PUM3: variants seen among roughly 807,000 people sequenced by gnomAD.
The protein encoded by PUM3 is pumilio RNA binding family member 3.
In PUM3, 91 loss-of-function variants were observed where a neutral mutation model predicts 84.0. That is an observed-to-expected ratio of 1.08 (90% CI 0.91 to 1.29). PUM3 has a LOEUF of 1.29. PUM3 is among the 50% of genes most tolerant of loss of function. The pLI, the probability that PUM3 is intolerant of heterozygous loss-of-function variation, is 0.00. For missense variants in PUM3, 1,067 were observed against 767.5 expected, an observed-to-expected ratio of 1.39 and a Z score of -4.61; for synonymous variants, 321 against 266.7, an observed-to-expected ratio of 1.20 and a Z score of -1.98.
chr9:2,816,957 T>C (rs1821482880), intron 13 of PUM3, among the ~76,000 whole-genome samples: 1 of 152,238 alleles, frequency 6.6e-6, no homozygotes, highest in Admixed American at 6.5e-5. Context: ...TAAGCTTTCT[T>C]GGCTATTTTT....
At chr9:2,815,694 A>G (rs1489459762) in intron 13 of PUM3, among the ~76,000 whole-genome samples, 1 of 152,232 alleles carries the variant, frequency 6.6e-6, no homozygotes, top group Non-Finnish European at 1.5e-5. Flanking sequence ...CAATATGTAT[A>G]GCCTCCTTAA....
At chr9:2,832,304 T>A (rs558883277) in intron 5 of PUM3, among the ~76,000 whole-genome samples, 1 of 152,186 alleles carries the variant, frequency 6.6e-6, no homozygotes, top group Non-Finnish European at 1.5e-5. Context: ...CTGTTACTAT[T>A]CCCACTTTAC....
chr9:2,827,392 C>T (rs1050360152), intron 9 of PUM3, among the ~76,000 whole-genome samples: 5 of 152,146 alleles, frequency 3.3e-5, no homozygotes, highest in East Asian at 1.9e-4. Context: ...AGTATTTAAT[C>T]GGCAAACATA....
At chr9:2,805,985 A>G (rs1306688589) in intron 17 of PUM3, among the ~76,000 whole-genome samples, 4 of 152,064 alleles carry the variant, frequency 2.6e-5, no homozygotes, top group African/African-American at 7.2e-5. Context: ...TACAAAAACA[A>G]TTTTTTTGTA....
At position 2,812,328 on chromosome 9, in the gene PUM3, T is replaced by C; in HGVS notation, c.1304A>G (p.Asp435Gly). The C allele has an allele frequency of 1.3e-6, 2 of 1,592,000 alleles. 1 individual carries two copies. Among genetic ancestry groups the C allele is most frequent in the Middle Eastern group, 3.3e-4 (2 of 6,016 alleles). The change falls in exon 14 of 18, where the codon GAC becomes GGC. Residue 435 changes from aspartate (D) to glycine (G), a missense_variant. By Grantham distance (94) the Asp-to-Gly change is moderately conservative. Coordinates refer to ENST00000397885, the MANE Select transcript of PUM3 (RefSeq NM_014878.5). ...CAATAGGACCTTCCTTCCATATTTG[T>C]CATTTACTATGCTAGGCAATGAACT... ...IISSLPSIVN[D>G]KYGRKVLLYL...
intron 5 of PUM3, among the ~76,000 whole-genome samples, chr9:2,831,587 G>A (rs761991997): frequency 6.6e-6 from 1 of 152,106 alleles, no homozygotes; most frequent in Non-Finnish European, 1.5e-5. Context: ...TAACCATTTT[G>A]CAAGACTCCT....
intron 1 of PUM3, among the ~76,000 whole-genome samples, chr9:2,840,416 T>A (rs534037254): frequency 6.6e-6 from 1 of 152,206 alleles, no homozygotes; most frequent in Non-Finnish European, 1.5e-5. Flanking sequence ...TTGGAGAATA[T>A]GTAGACATCC....
Position 2,828,776 on chromosome 9 carries a change from T to C in PUM3, c.855A>G (p.Ser285=). ...LYGNTFQLYK[S]ADHRTLDKVL... ...CTTTGTCCAGAGTTCGGTGATCTGCTGACTGCAACAAAACAAAACAATCAA... is the reference window on the plus strand; with the variant it reads ...CTTTGTCCAGAGTTCGGTGATCTGCCGACTGCAACAAAACAAAACAATCAA... The change falls in exon 9 of 18, where the codon TCA becomes TCG. Residue 285 remains serine (S), a splice_region_variant and synonymous_variant. Transcript: ENST00000397885. 1.3e-6 allele frequency: 2 copies of C among 1,546,638 alleles called. No homozygotes were observed. Among genetic ancestry groups the C allele is most frequent in the South Asian group, 1.1e-5 (1 of 89,164 alleles).
At chr9:2,808,806 A>G (rs1821311251) in intron 16 of PUM3, among the ~76,000 whole-genome samples, 1 of 152,186 alleles carries the variant, frequency 6.6e-6, no homozygotes, top group Non-Finnish European at 1.5e-5. Context: ...TATAGGGGGA[A>G]TCCATGTCTT....
rs1271352992 is a variant in PUM3 at position 2,822,132 on chromosome 9, G to A, written c.1188+1649C>T. On this transcript the variant is annotated intron_variant, in intron 12 of 17. Transcript: ENST00000397885. ...GAAGGTGGTACAGAATTGAATGTAAGTGAGAAACAGACAAATCCACAAGTA... is the reference window on the plus strand; with the variant it reads ...GAAGGTGGTACAGAATTGAATGTAAATGAGAAACAGACAAATCCACAAGTA... Among the ~76,000 whole-genome samples the A allele has an allele frequency of 2.0e-5, 3 of 152,248 alleles. No individual in the cohort carries two copies. In the South Asian group the frequency reaches 6.2e-4, roughly 32 times the overall value.
At chr9:2,827,920 G>C (rs117542448) in intron 9 of PUM3, among the ~76,000 whole-genome samples, 3 of 152,158 alleles carry the variant, frequency 2.0e-5, no homozygotes, top group African/African-American at 7.2e-5. Context: ...GGGGGAGTGG[G>C]GAACCAGGAG....
intron 3 of PUM3, among the ~76,000 whole-genome samples, chr9:2,836,351 A>C (rs1344875661): frequency 6.6e-6 from 1 of 152,214 alleles, no homozygotes; most frequent in African/African-American, 2.4e-5. Flanking sequence ...TGTTGCAAAG[A>C]AAGTAATGAT....
In PUM3 at chr9:2,816,594, T is replaced by C. The variant is rs1212968517; in HGVS notation, c.1269+3424A>G. 2.6e-5 allele frequency among the ~76,000 whole-genome samples: 4 copies of C among 152,224 alleles called. No individual in the cohort carries two copies. The South Asian group carries it at 6.2e-4, about 24-fold the overall frequency. On this transcript the variant is annotated intron_variant, in intron 13 of 17. Coordinates refer to ENST00000397885, the MANE Select transcript of PUM3 (RefSeq NM_014878.5). ...CACACTGCCAGGGACTGGAGCTGAA[T>C]GGTGCCCACCACCTTGCAGAGGGTG...
chr9:2,826,611 G>A (rs1279818169), intron 10 of PUM3, among the ~76,000 whole-genome samples: 1 of 152,122 alleles, frequency 6.6e-6, no homozygotes, highest in African/African-American at 2.4e-5. Flanking sequence ...CTGACTTGAA[G>A]GGCAGTGCAA....
intron 17 of PUM3, among the ~76,000 whole-genome samples, chr9:2,804,981 G>C (rs961423702): frequency 1.3e-5 from 2 of 152,234 alleles, no homozygotes; most frequent in Non-Finnish European, 2.9e-5. Flanking sequence ...CTAACATTGA[G>C]TGAAAGGGCG....
intron 1 of PUM3, among the ~76,000 whole-genome samples, chr9:2,839,006 G>A (rs1162635874): frequency 6.6e-6 from 1 of 152,198 alleles, no homozygotes; most frequent in Non-Finnish European, 1.5e-5. Flanking sequence ...AGATTCCTAT[G>A]CAATCCAACA....
intron 17 of PUM3, 33 bp downstream of exon 17, chr9:2,807,781 C>A (rs1475614802): frequency 1.5e-6 from 2 of 1,367,410 alleles, no homozygotes; most frequent in Non-Finnish European, 1.0e-6. Context: ...CATGACCAGG[C>A]CCTGCTCAGA....
Position 2,804,362 on chromosome 9 carries a change from A to G in PUM3, c.1916T>C (p.Ile639Thr), listed in dbSNP as rs760619245. 4 of 1,613,828 alleles carry G rather than the reference A, an allele frequency of 2.5e-6. No homozygotes were observed. The highest frequency in any genetic ancestry group is 2.2e-5 in the East Asian group (1 of 44,868). ...GCTCAGTTTTTCAAGTAGAATTTCT[A>G]TTCCTTTGCTGGTGCTTTTGGTTTT... ...LEKTKSTSKG[I>T]EILLEKLST Residue 639 changes from isoleucine (I) to threonine (T), a missense_variant, in exon 18 of 18, where the codon ATA becomes ACA. By Grantham distance (89) the Ile-to-Thr change is moderately conservative. Coordinates refer to ENST00000397885, the MANE Select transcript of PUM3 (RefSeq NM_014878.5).
intron 10 of PUM3, 23 bp from the exon 11 acceptor site, chr9:2,824,838 A>G (rs1354991033): frequency 6.8e-7 from 1 of 1,462,600 alleles, no homozygotes; most frequent in Non-Finnish European, 9.3e-7. Flanking sequence ...TGCTGTCAGG[A>G]ACAGGGCTCT....
Sources: gnomAD v4.1 joint callset for allele counts (sites outside exome capture counted in the v4.1 genomes callset) on GRCh38, gnomAD v4.1.1 for gene constraint, MANE v1.5 for transcripts, NCBI Gene and HGNC (gene_info 2026-07-23, HGNC 2026-07-21) for gene names.